The following GSE1 variants were observed in gnomAD, a reference collection of about 807,000 sequenced individuals.
GSE1 encodes the protein Gse1 coiled-coil protein.
In GSE1, 32 loss-of-function variants were observed where a neutral mutation model predicts 112.6. That is an observed-to-expected ratio of 0.28 (90% CI 0.21 to 0.38). GSE1 has a LOEUF of 0.38. GSE1 is among the 10% of genes least tolerant of loss of function. The probability of loss-of-function intolerance (pLI) is 1.00; values close to 1 mark genes in which losing one functional copy is unlikely to be tolerated. For synonymous variants in GSE1, 1,115 were observed against 735.6 expected, an observed-to-expected ratio of 1.52 and a Z score of -8.35; for missense variants, 2,348 against 1,699.2, an observed-to-expected ratio of 1.38 and a Z score of -6.71.
intron 2 of GSE1, among the ~76,000 whole-genome samples, chr16:85,481,944 C>A (rs546727161): frequency 1.3e-5 from 2 of 152,368 alleles, no homozygotes; most frequent in Admixed American, 6.5e-5. Flanking sequence ...CGGACCATAC[C>A]GGCCTGCTCC....
intron 1 of GSE1, among the ~76,000 whole-genome samples, chr16:85,259,049 G>A (rs772298085): frequency 3.9e-5 from 6 of 152,184 alleles, no homozygotes; most frequent in Non-Finnish European, 8.8e-5. Flanking sequence ...GGCCCCTCTT[G>A]GTCCTGGAGA....
At chr16:85,216,554 G>A (rs1475620521) in intron 1 of GSE1, among the ~76,000 whole-genome samples, 1 of 152,216 alleles carries the variant, frequency 6.6e-6, no homozygotes, top group East Asian at 1.9e-4. Context: ...ACACGTGTCA[G>A]GAACACAAAC....
intron 1 of GSE1, among the ~76,000 whole-genome samples, chr16:85,178,829 C>T (rs1173228566): frequency 9.9e-6 from 1 of 100,952 alleles, no homozygotes; most frequent in Admixed American, 1.3e-4. Context: ...AGTGTCCTGG[C>T]AGGGGCTCGA....
At chr16:85,352,589 G>T (rs2151562695) in intron 1 of GSE1, among the ~76,000 whole-genome samples, 1 of 152,310 alleles carries the variant, frequency 6.6e-6, no homozygotes. Flanking sequence ...ACATATGCAG[G>T]TTTCAGGGCC....
chr16:85,506,214 C>T (rs763302112), intron 2 of GSE1, among the ~76,000 whole-genome samples: 13 of 152,194 alleles, frequency 8.5e-5, no homozygotes, highest in Non-Finnish European at 1.8e-4. Flanking sequence ...GCGTCCCTGA[C>T]GGTCACCGCC....
At chr16:85,467,383 ACATTGG>A (rs1334716383) in intron 2 of GSE1, among the ~76,000 whole-genome samples, 1 of 152,224 alleles carries the variant, frequency 6.6e-6, no homozygotes, top group Non-Finnish European at 1.5e-5. Flanking sequence ...CTACCCCAAG[ACATTGG>A]CGTAAAACAA....
At position 85,492,803 on chromosome 16, in the gene GSE1, G is replaced by C. The variant is rs148893969; in HGVS notation, c.2464+135160G>C. Among the ~76,000 whole-genome samples, 315 of 152,322 alleles carry C rather than the reference G, an allele frequency of 2.1e-3. 2 individuals carry two copies. Among genetic ancestry groups the C allele is most frequent in the African/African-American group, 7.4e-3 (307 of 41,560 alleles). On this transcript the variant is annotated intron_variant, in intron 2 of 2. Coordinates refer to the GSE1 transcript ENST00000637419. ...TTCTGTTCCTTCCTGAGTTTGCCTG[G>C]AGTGGTGCTGGGCTCAGATCACACA...
Position 85,655,789 on chromosome 16 carries a change from C to T in GSE1, c.861C>T (p.Gly287=), listed in dbSNP as rs763836556. 1 of 1,604,378 alleles carries T rather than the reference C, an allele frequency of 6.2e-7. No individual in the cohort carries two copies. The highest frequency in any genetic ancestry group is 8.5e-7 in the Non-Finnish European group (1 of 1,172,832). Residue 287 remains glycine (G), a synonymous_variant, in exon 6 of 16, where the codon GGC becomes GGT. Transcript: ENST00000253458. ...CGTTCTACCCCATCCCCACCCCCGG[C>T]TCCCTGCCCCCACTGCACCCATCAG... ...RSPFYPIPTP[G]SLPPLHPSAM...
At chr16:85,257,342 C>T (rs1246397440) in intron 1 of GSE1, among the ~76,000 whole-genome samples, 1 of 152,230 alleles carries the variant, frequency 6.6e-6, no homozygotes, top group South Asian at 2.1e-4. Flanking sequence ...AACTCTTAAC[C>T]TCAGGTGATC....
At chr16:85,197,158 C>G (rs1003505054) in intron 1 of GSE1, among the ~76,000 whole-genome samples, 7 of 152,150 alleles carry the variant, frequency 4.6e-5, no homozygotes, top group African/African-American at 1.7e-4. Context: ...GAGCTCGGAG[C>G]CTGGCGGGGA....
intron 1 of GSE1, among the ~76,000 whole-genome samples, chr16:85,207,622 C>A (rs2075142893): frequency 6.6e-6 from 1 of 152,240 alleles, no homozygotes; most frequent in Admixed American, 6.5e-5. Context: ...GGAGCCCGGG[C>A]TGCAGAGCCA....
intron 2 of GSE1, among the ~76,000 whole-genome samples, chr16:85,531,328 G>A (rs574319590): frequency 9.2e-5 from 14 of 152,300 alleles, no homozygotes; most frequent in East Asian, 1.9e-4. Flanking sequence ...GATGGTGGCC[G>A]TAGACAGCTT....
intron 2 of GSE1, among the ~76,000 whole-genome samples, chr16:85,376,130 A>G (rs2047415538): frequency 6.6e-6 from 1 of 152,088 alleles, no homozygotes; most frequent in Admixed American, 6.5e-5. Flanking sequence ...TACAGACTCC[A>G]GGCTTCTCTC....
chr16:85,187,875 G>T (rs974615242), intron 1 of GSE1, among the ~76,000 whole-genome samples: 2 of 152,234 alleles, frequency 1.3e-5, no homozygotes, highest in Admixed American at 6.5e-5. Flanking sequence ...GCAGGGGGAG[G>T]TAGCTGAGGC....
At chr16:85,225,333 G>C (rs925107283) in intron 1 of GSE1, among the ~76,000 whole-genome samples, 1 of 152,182 alleles carries the variant, frequency 6.6e-6, no homozygotes, top group Non-Finnish European at 1.5e-5. Context: ...CCAGGAGAGG[G>C]GTGTTCCTGG....
intron 1 of GSE1, among the ~76,000 whole-genome samples, chr16:85,284,670 T>C (rs1057031955): frequency 3.9e-5 from 6 of 152,286 alleles, no homozygotes; most frequent in Admixed American, 2.0e-4. Context: ...AGAGTCGTGG[T>C]CCACAGTAGG....
chr16:85,418,573 G>T (rs1282671877), intron 2 of GSE1, among the ~76,000 whole-genome samples: 1 of 152,192 alleles, frequency 6.6e-6, no homozygotes, highest in East Asian at 1.9e-4. Flanking sequence ...GCCCCTCCCA[G>T]GAGCCAGACC....
chr16:85,542,069 C>G (rs2044538580), intron 2 of GSE1, among the ~76,000 whole-genome samples: 1 of 151,902 alleles, frequency 6.6e-6, no homozygotes, highest in Admixed American at 6.6e-5. Context: ...CTGCCTTCAG[C>G]TGCCCTGCCC....
At position 85,654,396 on chromosome 16, in the gene GSE1, C is replaced by A; in HGVS notation, c.545C>A (p.Pro182His). Residue 182 changes from proline (P) to histidine (H), a missense_variant, in exon 4 of 16, where the codon CCC (proline) becomes CAC (histidine). Coordinates refer to ENST00000253458, the MANE Select transcript of GSE1 (RefSeq NM_014615.5). ...TCGCACCTGCTCAGCACCCCCTACC[C>A]CTTCGGCCTCTCCCCCAGCTCAGTT... ...IPSHLLSTPY[P>H]FGLSPSSVVQ... The A allele has an allele frequency of 6.2e-7, 1 of 1,603,506 alleles. No individual in the cohort carries two copies. The highest frequency in any genetic ancestry group is 8.5e-7 in the Non-Finnish European group (1 of 1,175,002).
Sources: gnomAD v4.1 joint callset for allele counts (sites outside exome capture counted in the v4.1 genomes callset) on GRCh38, gnomAD v4.1.1 for gene constraint, MANE v1.5 for transcripts, NCBI Gene and HGNC (gene_info 2026-07-23, HGNC 2026-07-21) for gene names.